The following HDAC4 variants were observed in gnomAD, a reference collection of about 807,000 sequenced individuals.
The protein encoded by HDAC4 is histone deacetylase 4.
In HDAC4, 16 loss-of-function variants were observed where a neutral mutation model predicts 135.1. That is an observed-to-expected ratio of 0.12 (90% CI 0.08 to 0.18). The LOEUF (loss-of-function observed/expected upper bound fraction) is 0.18, where lower values mean the gene tolerates loss of function less well. HDAC4 is among the 10% of genes least tolerant of loss of function. The pLI is 1.00. For synonymous variants in HDAC4, 685 were observed against 653.4 expected (o/e 1.05, Z -0.74); for missense variants, 1,143 against 1,511.8 (o/e 0.76, Z 4.05).
chr2:239,346,989 CCT>C (rs1373870215), intron 2 of HDAC4, among the ~76,000 whole-genome samples: 3 of 87,952 alleles, frequency 3.4e-5, no homozygotes, highest in South Asian at 3.0e-4. Flanking sequence ...ACACACACAC[CCT>C]GTCTAAAACA....
At chr2:239,117,628 G>A (rs937819485) in intron 12 of HDAC4, among the ~76,000 whole-genome samples, 1 of 150,186 alleles carries the variant, frequency 6.7e-6, no homozygotes, top group Non-Finnish European at 1.5e-5. Context: ...AGACTAGGAA[G>A]GGCGCACAGG....
At chr2:239,128,748 G>A (rs1239422184) in intron 11 of HDAC4, among the ~76,000 whole-genome samples, 2 of 152,210 alleles carry the variant, frequency 1.3e-5, no homozygotes, top group Non-Finnish European at 2.9e-5. Flanking sequence ...CAAAGCCTCA[G>A]TGTGCACACC....
At chr2:239,149,209 G>A (rs1355586016) in intron 7 of HDAC4, among the ~76,000 whole-genome samples, 1 of 151,848 alleles carries the variant, frequency 6.6e-6, no homozygotes, top group East Asian at 2.0e-4. Context: ...TGAGACCAGC[G>A]TGGCCAACAT....
intron 2 of HDAC4, among the ~76,000 whole-genome samples, chr2:239,294,906 G>T (rs2051766254): frequency 6.6e-6 from 1 of 152,222 alleles, no homozygotes; most frequent in South Asian, 2.1e-4. Flanking sequence ...AAGGGGGTGG[G>T]TGTGTGGGAG....
chr2:239,348,277 C>T (rs957448236), intron 2 of HDAC4, among the ~76,000 whole-genome samples: 2 of 151,694 alleles, frequency 1.3e-5, no homozygotes, highest in South Asian at 2.1e-4. Flanking sequence ...ACCACAGACA[C>T]GTCCCAGCAA....
chr2:239,197,148 G>A (rs920241961), intron 3 of HDAC4, among the ~76,000 whole-genome samples: 1 of 152,204 alleles, frequency 6.6e-6, no homozygotes, highest in Non-Finnish European at 1.5e-5. Context: ...GGAGGCATGA[G>A]AGTAAGTTCT....
chr2:239,354,545 A>T (rs1693364412), intron 1 of HDAC4, among the ~76,000 whole-genome samples: 3 of 121,232 alleles, frequency 2.5e-5, no homozygotes, highest in African/African-American at 6.0e-5. Context: ...CCTTTTCTTG[A>T]TTTAATTAGT....
intron 3 of HDAC4, among the ~76,000 whole-genome samples, chr2:239,229,814 G>A (rs2047437665): frequency 6.6e-6 from 1 of 152,168 alleles, no homozygotes; most frequent in East Asian, 1.9e-4. Flanking sequence ...AGGCTTCAGA[G>A]AGAATAGATG....
chr2:239,068,674 AAGGTTCC>A lies in HDAC4; in HGVS notation c.2751-74_2751-68del. 1.5e-6 allele frequency: 2 copies of A among 1,377,290 alleles called. No individual in the cohort carries two copies. The highest frequency in any genetic ancestry group is 1.2e-5 in the South Asian group (1 of 86,268). The allele number at this position is 1,377,290 out of a possible 1,614,324, so 85.3% of individuals were successfully genotyped here. A position where few individuals can be genotyped will look rare whatever the true frequency, so the allele number is the denominator to read the frequency against. ...AGGGACGGGACGGTCACAAAACCCCAAGGTTCCCTCTGGCATTGATAATGCCTGCCCC... is the reference window on the plus strand; with the variant it reads ...AGGGACGGGACGGTCACAAAACCCCACTCTGGCATTGATAATGCCTGCCCC... On this transcript the variant is annotated intron_variant, in intron 22 of 26. Coordinates refer to ENST00000543185, the MANE Select transcript of HDAC4 (RefSeq NM_001378414.1). This position sits in a 1 kb window ranked among gnomAD's most constrained non-coding sequence, Gnocchi z 4.4.
At chr2:239,163,438 A>G (rs1209677789) in intron 6 of HDAC4, among the ~76,000 whole-genome samples, 2 of 151,024 alleles carry the variant, frequency 1.3e-5, no homozygotes. Flanking sequence ...GTGTGAGTGG[A>G]CCCCCAGACC....
chr2:239,380,605 T>C (rs1409216779), intron 1 of HDAC4, among the ~76,000 whole-genome samples: 2 of 152,192 alleles, frequency 1.3e-5, no homozygotes, highest in East Asian at 1.9e-4. Context: ...GAAAAAATTC[T>C]AGAAATTGGG....
At chr2:239,162,173 CTG>C (rs775325674) in intron 6 of HDAC4, 8 of 456,844 alleles carry the variant, frequency 1.8e-5, no homozygotes, top group African/African-American at 1.6e-4. Context: ...CTCCCAGACT[CTG>C]TGCTCCTCTT....
intron 2 of HDAC4, among the ~76,000 whole-genome samples, chr2:239,321,175 T>A (rs1164199578): frequency 1.3e-5 from 2 of 152,172 alleles, no homozygotes; most frequent in Non-Finnish European, 2.9e-5. Flanking sequence ...CTTCATAAGA[T>A]TAGCTTGCAG....
intron 2 of HDAC4, among the ~76,000 whole-genome samples, chr2:239,314,138 G>GC (rs1379454876): frequency 2.6e-5 from 4 of 152,220 alleles, no homozygotes; most frequent in African/African-American, 9.6e-5. Flanking sequence ...GCAAACACAG[G>GC]CATGTCCCAG....
At position 239,285,702 on chromosome 2, in the gene HDAC4, C is replaced by CCAG. The variant is rs1473428259; in HGVS notation, c.23-49041_23-49039dup. The stretch of plus-strand genomic sequence containing the variant: ...ACCTTCTGTCACACTGCTGGGCTCA[C>CCAG]CAGCAGTAAGGAAACCCTCCAACAA... On this transcript the variant is annotated intron_variant, in intron 2 of 26. Coordinates refer to ENST00000543185, the MANE Select transcript of HDAC4 (RefSeq NM_001378414.1). This position sits in a 1 kb window ranked among gnomAD's most constrained non-coding sequence, Gnocchi z 4.5. Among the ~76,000 whole-genome samples, 1 of 152,152 alleles carries CCAG rather than the reference C, an allele frequency of 6.6e-6. No individual in the cohort carries two copies. The highest frequency in any genetic ancestry group is 1.5e-5 in the Non-Finnish European group (1 of 68,022).
intron 1 of HDAC4, among the ~76,000 whole-genome samples, chr2:239,373,914 T>C (rs539925645): frequency 1.3e-5 from 2 of 152,358 alleles, no homozygotes; most frequent in Non-Finnish European, 2.9e-5. Context: ...CTTTACTTTT[T>C]ACAGTTAAGC....
intron 2 of HDAC4, among the ~76,000 whole-genome samples, chr2:239,276,369 C>T (rs2050365659): frequency 6.6e-6 from 1 of 152,226 alleles, no homozygotes; most frequent in Admixed American, 6.5e-5. Flanking sequence ...CCTCCAGCTC[C>T]CTGTGTCTGG....
Position 239,141,783 on chromosome 2 carries a change from T to C in HDAC4, c.866-1987A>G, listed in dbSNP as rs962754556. 8.5e-5 allele frequency among the ~76,000 whole-genome samples: 13 copies of C among 152,274 alleles called. No homozygotes were observed. In the South Asian group the frequency reaches 2.7e-3, roughly 32 times the overall value. ...ATGTGCCTGGGGAGTCCGGACAACTTTTTGGGGCGGTAAAAATTATATGTG... is the reference window on the plus strand; with the variant it reads ...ATGTGCCTGGGGAGTCCGGACAACTCTTTGGGGCGGTAAAAATTATATGTG... On this transcript the variant is annotated intron_variant, in intron 8 of 26. Coordinates refer to ENST00000543185, the MANE Select transcript of HDAC4 (RefSeq NM_001378414.1). This position sits in a 1 kb window ranked among gnomAD's most constrained non-coding sequence, Gnocchi z 4.9.
At chr2:239,316,112 C>G (rs188776283) in intron 2 of HDAC4, among the ~76,000 whole-genome samples, 3 of 152,168 alleles carry the variant, frequency 2.0e-5, no homozygotes, top group Non-Finnish European at 4.4e-5. Flanking sequence ...ACTGAAATAT[C>G]CTTCATCTAC....
Sources: allele counts gnomAD v4.1 joint callset (sites outside exome capture counted in the v4.1 genomes callset), GRCh38; gene constraint gnomAD v4.1.1; non-coding constraint Gnocchi (gnomAD v3.1); transcripts MANE v1.5; gene names NCBI Gene and HGNC (gene_info 2026-07-23, HGNC 2026-07-21).